The following RIMS2 variants were observed in gnomAD, a reference collection of about 807,000 sequenced individuals.
RIMS2 encodes regulating synaptic membrane exocytosis protein 2.
In RIMS2, 59 loss-of-function variants were observed where a neutral mutation model predicts 174.4. The observed-to-expected ratio is 0.34, with a 90% CI of 0.27 to 0.42. The LOEUF (loss-of-function observed/expected upper bound fraction) is 0.42, where lower values mean the gene tolerates loss of function less well. Ranked by LOEUF, RIMS2 falls within the 10% of genes least tolerant of loss-of-function variation. RIMS2 has a pLI of 1.00. For missense variants in RIMS2, 1,620 were observed against 1,666.3 expected (o/e 0.97, Z 0.48); for synonymous variants, 606 against 572.5 (o/e 1.06, Z -0.84).
At chr8:104,227,253 G>T (rs2099194055) in intron 19 of RIMS2, among the ~76,000 whole-genome samples, 1 of 142,214 alleles carries the variant, frequency 7.0e-6, no homozygotes. Context: ...GTGTATTCCA[G>T]GTAGATGCTC....
chr8:103,644,913 T>A (rs567205484), intron 1 of RIMS2, among the ~76,000 whole-genome samples: 1 of 152,082 alleles, frequency 6.6e-6, no homozygotes, highest in South Asian at 2.1e-4. Context: ...AAGAGCAACA[T>A]GATTTCTTGC....
chr8:103,737,464 G>T (rs1471000181), intron 2 of RIMS2, among the ~76,000 whole-genome samples: 1 of 152,170 alleles, frequency 6.6e-6, no homozygotes, highest in African/African-American at 2.4e-5. Flanking sequence ...TGGGATTATA[G>T]GAGTGAACCA....
chr8:103,566,711 TTG>T (rs1458170421), intron 1 of RIMS2, among the ~76,000 whole-genome samples: 3 of 152,226 alleles, frequency 2.0e-5, no homozygotes, highest in African/African-American at 7.2e-5. Context: ...AAAGGTGGTC[TTG>T]TTCTATATCC....
intron 10 of RIMS2, chr8:103,922,557 TG>T: frequency 3.1e-6 from 1 of 324,224 alleles, no homozygotes; most frequent in South Asian, 2.4e-5. Flanking sequence ...GTATTGTTGT[TG>T]ATTACTAAAC....
chr8:103,777,488 A>C (rs1161020157), intron 3 of RIMS2, among the ~76,000 whole-genome samples: 1 of 152,002 alleles, frequency 6.6e-6, no homozygotes, highest in African/African-American at 2.4e-5. Flanking sequence ...TTTCATATTG[A>C]AAATCAGTAC....
intron 2 of RIMS2, among the ~76,000 whole-genome samples, chr8:103,719,016 A>G (rs2097411189): frequency 6.6e-6 from 1 of 152,120 alleles, no homozygotes; most frequent in African/African-American, 2.4e-5. Flanking sequence ...AAAATATAAA[A>G]TATTCTTAGC....
At chr8:104,188,225 A>AGAT (rs1435997853) in intron 19 of RIMS2, among the ~76,000 whole-genome samples, 3 of 113,554 alleles carry the variant, frequency 2.6e-5, no homozygotes, top group African/African-American at 9.6e-5. Flanking sequence ...TTGTTCAGAT[A>AGAT]GATAGATAGA....
At chr8:104,008,938 G>A (rs988272072) in intron 17 of RIMS2, among the ~76,000 whole-genome samples, 6 of 151,762 alleles carry the variant, frequency 4.0e-5, no homozygotes, top group African/African-American at 9.7e-5. Flanking sequence ...ATTCGTATTC[G>A]TGCACATTAC....
intron 4 of RIMS2, among the ~76,000 whole-genome samples, chr8:103,887,781 T>TA (rs1175670686): frequency 2.0e-5 from 3 of 151,222 alleles, no homozygotes; most frequent in Non-Finnish European, 4.4e-5. Flanking sequence ...GAATTAAAAA[T>TA]AAAAAATGTG....
At chr8:103,620,503 A>T (rs1338033619) in intron 1 of RIMS2, among the ~76,000 whole-genome samples, 1 of 152,094 alleles carries the variant, frequency 6.6e-6, no homozygotes, top group Non-Finnish European at 1.5e-5. Context: ...TGGGGTGAAA[A>T]CCTGTTTTTT....
At chr8:103,791,698 T>A (rs1038743493) in intron 3 of RIMS2, among the ~76,000 whole-genome samples, 1 of 151,842 alleles carries the variant, frequency 6.6e-6, no homozygotes, top group Admixed American at 6.6e-5. Context: ...GAGACACACA[T>A]AGACTCAAAA....
intron 1 of RIMS2, among the ~76,000 whole-genome samples, chr8:103,577,644 T>C (rs988627502): frequency 4.6e-5 from 7 of 152,202 alleles, no homozygotes; most frequent in African/African-American, 1.7e-4. Flanking sequence ...ACAGTTACTG[T>C]GTGATCTAGC....
At chr8:103,795,343 A>G (rs1247464967) in intron 3 of RIMS2, among the ~76,000 whole-genome samples, 1 of 151,750 alleles carries the variant, frequency 6.6e-6, no homozygotes, top group East Asian at 1.9e-4. Context: ...ACAGAAAACC[A>G]GACGCTAGAT....
At chr8:104,092,556 A>T (rs2097680385) in intron 19 of RIMS2, among the ~76,000 whole-genome samples, 1 of 151,878 alleles carries the variant, frequency 6.6e-6, no homozygotes. Flanking sequence ...GCCAGATACC[A>T]CATACGTCTT....
At chr8:103,530,705 T>C (rs982336619) in intron 1 of RIMS2, among the ~76,000 whole-genome samples, 3 of 152,110 alleles carry the variant, frequency 2.0e-5, no homozygotes, top group African/African-American at 7.2e-5. Flanking sequence ...GAATTTATAA[T>C]AAATGTATAA....
Position 103,766,327 on chromosome 8 carries a change from A to T in RIMS2, c.488A>T (p.Asp163Val), listed in dbSNP as rs370563252. The T allele has an allele frequency of 1.4e-5, 22 of 1,613,212 alleles. No homozygotes were observed. Among genetic ancestry groups the T allele is most frequent in the Middle Eastern group, 1.6e-4 (1 of 6,082 alleles). Residue 163 changes from aspartate (D) to valine (V), a missense_variant, in exon 3 of 24, where the codon GAT becomes GTT. Asp to Val is a radical substitution (Grantham distance 152). This residue lies in a region of RIMS2 where 1,395 missense variants were observed against 1,360.1 expected (regional missense o/e 1.03). Coordinates refer to ENST00000504942, the Ensembl canonical transcript of RIMS2. The stretch of plus-strand genomic sequence containing the variant: ...GGATCTAATACACCACAGCAACCTG[A>T]TCAAAAGGTTCTTCGAGGGCTAAGA...
At chr8:104,099,500 T>C (rs939866114) in intron 19 of RIMS2, among the ~76,000 whole-genome samples, 1 of 152,226 alleles carries the variant, frequency 6.6e-6, no homozygotes, top group African/African-American at 2.4e-5. Flanking sequence ...TGAAAGTACT[T>C]GAACATCACT....
intron 19 of RIMS2, among the ~76,000 whole-genome samples, chr8:104,090,186 T>C (rs915183334): frequency 6.6e-6 from 1 of 151,678 alleles, no homozygotes; most frequent in South Asian, 2.1e-4. Context: ...TTTACACTAT[T>C]ATAACGCTGT....
intron 1 of RIMS2, among the ~76,000 whole-genome samples, chr8:103,591,997 G>A (rs2094286019): frequency 6.6e-6 from 1 of 151,126 alleles, no homozygotes; most frequent in Non-Finnish European, 1.5e-5. Flanking sequence ...GGAAAGAATT[G>A]ACATTTAACA....
Sources: gnomAD v4.1 joint callset for allele counts (sites outside exome capture counted in the v4.1 genomes callset) on GRCh38, gnomAD v4.1.1 for gene constraint, gnomAD v4.1.1 regional missense constraint, MANE v1.5 for transcripts, NCBI Gene and HGNC (gene_info 2026-07-23, HGNC 2026-07-21) for gene names.